The following TSEN34 variants were observed in gnomAD, a reference collection of about 807,000 sequenced individuals.
The protein encoded by TSEN34 is tRNA splicing endonuclease subunit 34.
TSEN34 carries 25 observed loss-of-function variants against 30.2 expected under a neutral mutation model. The ratio of observed to expected loss-of-function variants is 0.83; its 90% CI spans 0.60 to 1.16. The LOEUF (loss-of-function observed/expected upper bound fraction) is 1.16. Among genes scored for constraint, TSEN34 ranks in the 50% most tolerant of loss-of-function variants. The pLI is 0.00. For missense variants in TSEN34, 475 were observed against 411.9 expected, an observed-to-expected ratio of 1.15 and a Z score of -1.33; for synonymous variants, 209 against 177.4, an observed-to-expected ratio of 1.18 and a Z score of -1.41.
chr19:54,191,062 A>G, upstream of TSEN34: 1 of 1,273,342 alleles, frequency 7.9e-7, no homozygotes, highest in Non-Finnish European at 9.9e-7. Context: ...GCGGGCACAG[A>G]GCGGGTGCCG....
intron 3 of TSEN34, 125 bp downstream of exon 3, chr19:54,192,498 C>G (rs902801093): frequency 1.1e-5 from 14 of 1,311,356 alleles, no homozygotes; most frequent in Non-Finnish European, 1.3e-5. Context: ...AGGCTGGTCC[C>G]TATTCCTGGG....
chr19:54,192,210 G>A lies in TSEN34; in HGVS notation c.582G>A (p.Pro194=), dbSNP rs777760674. Residue 194 remains proline (P), a synonymous_variant, in exon 3 of 4, where the codon CCG becomes CCA. Transcript: ENST00000396388. ...AGCTGGCCACTGCCAGGCCTCGACC[G>A]GTCAAGGCCAGGCCCCTGGACTGGC... is the stretch of plus-strand genomic sequence containing the variant. ...LVQLATARPR[P]VKARPLDWRV... 1.2e-5 allele frequency: 19 copies of A among 1,614,006 alleles called. 1 individual carries two copies. The highest frequency in any genetic ancestry group is 8.9e-5 in the East Asian group (4 of 44,888).
Position 54,194,234 on chromosome 19 carries a change from T to A in TSEN34, c.*872T>A, listed in dbSNP as rs1293765073. The stretch of plus-strand genomic sequence containing the variant: ...GTATATATATGTGTGTGTATATATA[T>A]ATATATTATGAAAGGAAATGAGTAT... On this transcript the variant is annotated 3_prime_UTR_variant, in exon 4 of 4. Transcript: ENST00000396388. 6.6e-6 allele frequency: 1 copy of A among 151,908 alleles called. No homozygotes were observed. The allele number at this position is 151,908 out of a possible 1,614,324, so 9.4% of individuals were successfully genotyped here.
chr19:54,191,000 C>A (rs2076656965), upstream of TSEN34: 29 of 1,116,066 alleles, frequency 2.6e-5, no homozygotes, highest in Non-Finnish European at 3.2e-5. Flanking sequence ...TGTCGCCGCG[C>A]TTGCGGAGGT....
intron 3 of TSEN34, 58 bp downstream of exon 3, chr19:54,192,431 C>G (rs1198556538): frequency 2.0e-6 from 3 of 1,516,704 alleles, no homozygotes; most frequent in African/African-American, 1.5e-5. Flanking sequence ...CCAATGTATT[C>G]TGCGTTTTTC....
intron 3 of TSEN34, 68 bp downstream of exon 3, chr19:54,192,441 C>CTTTTTTTTTTT (rs11420984): frequency 8.3e-7 from 1 of 1,210,626 alleles, no homozygotes; most frequent in Non-Finnish European, 1.1e-6. Flanking sequence ...CTGCGTTTTT[C>CTTTTTTTTTTT]TTTTTTTTTT....
upstream of TSEN34, chr19:54,190,865 C>T (rs1035412640): frequency 4.8e-6 from 5 of 1,045,858 alleles, no homozygotes; most frequent in African/African-American, 3.4e-5. Flanking sequence ...CTCGAGCGTC[C>T]GGAAGAGGGT....
intron 2 of TSEN34, 52 bp from the exon 3 acceptor site, chr19:54,192,064 A>T: frequency 1.9e-6 from 3 of 1,614,180 alleles, no homozygotes; most frequent in Non-Finnish European, 2.5e-6. Flanking sequence ...CCTGAGGGTG[A>T]GAAGACTTTA....
In TSEN34 at chr19:54,192,154, G is replaced by C. The variant is rs370888547; in HGVS notation, c.526G>C (p.Ala176Pro). The change falls in exon 3 of 4, where the codon GCC (alanine) becomes CCC (proline). Residue 176 changes from alanine to proline, a missense_variant. Physicochemically the swap from Ala to Pro is conservative, Grantham distance 27. Coordinates refer to ENST00000396388, the MANE Select transcript of TSEN34 (RefSeq NM_001077446.4). ...SSQAGPSNGV[A>P]PLPRSALLVQ... ...CCAAGCAGGACCCTCAAATGGGGTA[G>C]CCCCCTTGCCCAGATCTGCTCTCCT... 1.2e-6 allele frequency: 2 copies of C among 1,614,214 alleles called. No individual in the cohort carries two copies. Among genetic ancestry groups the C allele is most frequent in the South Asian group, 2.2e-5 (2 of 91,088 alleles).
In TSEN34 at chr19:54,192,262, G is replaced by A; in HGVS notation, c.634G>A (p.Ala212Thr). 6.2e-7 allele frequency: 1 copy of A among 1,613,874 alleles called. No individual in the cohort carries two copies. The highest frequency in any genetic ancestry group is 8.5e-7 in the Non-Finnish European group (1 of 1,179,976). Residue 212 changes from alanine to threonine, a missense_variant, in exon 3 of 4, where the codon GCC (alanine) becomes ACC (threonine). By Grantham distance (58) the Ala-to-Thr change is moderately conservative. Transcript: ENST00000396388. ...WRVQSKDWPH[A>T]GRPAHELRYS... ...TGTCCAGTCTAAAGACTGGCCCCAC[G>A]CCGGCCGCCCTGCCCACGAGCTGCG... is the stretch of plus-strand genomic sequence containing the variant.
upstream of TSEN34, chr19:54,190,196 C>T: frequency 1.6e-6 from 1 of 624,250 alleles, no homozygotes; most frequent in Non-Finnish European, 2.8e-6. Flanking sequence ...AGGTGGCCCC[C>T]GCGGGAGGAG....
rs914980872 is a variant in TSEN34 at position 54,194,188 on chromosome 19, T to C, written c.*826T>C. The C allele has an allele frequency of 6.3e-6, 1 of 158,112 alleles. No individual in the cohort carries two copies. Among genetic ancestry groups the C allele is most frequent in the Non-Finnish European group, 1.4e-5 (1 of 71,640 alleles). The allele number at this position is 158,112 out of a possible 1,614,324, so 9.8% of individuals were successfully genotyped here. Reference sequence around the variant, plus strand: ...ATATATATATGTGTGTGTGTATATATGTAAATATACACACATGTATGTATA... The same window carrying C: ...ATATATATATGTGTGTGTGTATATACGTAAATATACACACATGTATGTATA... On this transcript the variant is annotated 3_prime_UTR_variant, in exon 4 of 4. Coordinates refer to ENST00000396388, the MANE Select transcript of TSEN34 (RefSeq NM_001077446.4).
chr19:54,191,068 T>A, upstream of TSEN34: 1 of 1,281,154 alleles, frequency 7.8e-7, no homozygotes, highest in Non-Finnish European at 9.9e-7. Flanking sequence ...ACAGAGCGGG[T>A]GCCGACCGCA....
chr19:54,190,036 G>A, upstream of TSEN34: 1 of 535,902 alleles, frequency 1.9e-6, no homozygotes, highest in Non-Finnish European at 3.3e-6. Context: ...GTATTTACAA[G>A]GGGGCGGGGC....
chr19:54,190,956 G>C, upstream of TSEN34: 1 of 1,069,544 alleles, frequency 9.3e-7, no homozygotes, highest in Non-Finnish European at 1.1e-6. Context: ...CTTTGCAAGA[G>C]GGTGGTGCCA....
chr19:54,191,175 G>T, upstream of TSEN34: 1 of 1,385,162 alleles, frequency 7.2e-7, no homozygotes, highest in Admixed American at 3.4e-5. Context: ...GCGAGGCCTG[G>T]TGGGATCGCC....
At position 54,191,431 on chromosome 19, in the gene TSEN34, C is replaced by T; in HGVS notation, c.67C>T (p.Arg23Trp). The T allele has an allele frequency of 1.3e-6, 2 of 1,548,184 alleles. No homozygotes were observed. Among genetic ancestry groups the T allele is most frequent in the African/African-American group, 1.4e-5 (1 of 73,092 alleles). Residue 23 changes from arginine (R) to tryptophan (W), a missense_variant, in exon 1 of 4, where the codon CGG (arginine) becomes TGG (tryptophan). Transcript: ENST00000396388. ...GGGAGCCGAGGCGGTGCAGGCCCTC[C>T]GGGAGCGCCTGGGTGTGGGGGGCCG... ...VWGAEAVQAL[R>W]ERLGVGGRTV... is the part of the protein sequence containing the mutation.
rs1319922652 is a variant in TSEN34 at position 54,194,368 on chromosome 19, T to C, written c.*1006T>C. On this transcript the variant is annotated 3_prime_UTR_variant, in exon 4 of 4. Transcript: ENST00000396388. ...ATTTTTTTGATACTGTATATTTATA[T>C]TTTAGACTCTTTTTTGGATGTGTTA... is the stretch of plus-strand genomic sequence containing the variant. The C allele has an allele frequency of 6.6e-6, 1 of 152,054 alleles. No homozygotes were observed. Among genetic ancestry groups the C allele is most frequent in the Non-Finnish European group, 1.5e-5 (1 of 68,028 alleles). The allele number at this position is 152,054 out of a possible 1,614,324, so 9.4% of individuals were successfully genotyped here. A position where few individuals can be genotyped will look rare whatever the true frequency, so the allele number is the denominator to read the frequency against.
intron 3 of TSEN34, among the ~76,000 whole-genome samples, chr19:54,192,609 T>C (rs1452242503): frequency 6.6e-6 from 1 of 152,140 alleles, no homozygotes; most frequent in East Asian, 1.9e-4. Context: ...CTGAAATTCA[T>C]AGACAGACAG....
Sources: gnomAD v4.1 joint callset for allele counts (sites outside exome capture counted in the v4.1 genomes callset) on GRCh38, gnomAD v4.1.1 for gene constraint, MANE v1.5 for transcripts, NCBI Gene and HGNC (gene_info 2026-07-23, HGNC 2026-07-21) for gene names.